LRRTM1: variants seen among roughly 807,000 people sequenced by gnomAD.
LRRTM1 encodes leucine rich repeat transmembrane neuronal 1, also known as leucine-rich repeat transmembrane neuronal protein 1.
A neutral mutation model predicts 37.3 loss-of-function variants in LRRTM1; 8 were observed. That is an observed-to-expected ratio of 0.21 (90% CI 0.13 to 0.39). The LOEUF (loss-of-function observed/expected upper bound fraction) is 0.39, where lower values mean the gene tolerates loss of function less well. Among genes scored for constraint, LRRTM1 ranks in the 10% least tolerant of loss-of-function variants. LRRTM1 has a pLI of 1.00. For missense variants in LRRTM1, 557 were observed against 691.0 expected (o/e 0.81, Z 2.17); for synonymous variants, 326 against 316.8 (o/e 1.03, Z -0.31).
At chr2:80,295,932 T>A (rs1314073434) in intron 2 of LRRTM1, among the ~76,000 whole-genome samples, 3 of 152,312 alleles carry the variant, frequency 2.0e-5, no homozygotes, top group African/African-American at 7.2e-5. Context: ...CCAGATGAAT[T>A]TCAGTTTGCA....
At chr2:80,296,109 A>G (rs1675717395) in intron 2 of LRRTM1, among the ~76,000 whole-genome samples, 5 of 152,094 alleles carry the variant, frequency 3.3e-5, no homozygotes, top group Admixed American at 3.3e-4. Flanking sequence ...TATGGGGTAC[A>G]TGAGATATTT....
intron 2 of LRRTM1, among the ~76,000 whole-genome samples, chr2:80,291,857 C>T (rs1675285726): frequency 6.6e-6 from 1 of 152,136 alleles, no homozygotes; most frequent in Non-Finnish European, 1.5e-5. Flanking sequence ...TCAGGTTCAC[C>T]AGGGCTGCCA....
chr2:80,302,705 C>T lies in LRRTM1; in HGVS notation c.1115G>A (p.Gly372Asp). Residue 372 changes from glycine (G) to aspartate (D), a missense_variant, in exon 2 of 2, where the codon GGC becomes GAC. By Grantham distance (94) the Gly-to-Asp change is moderately conservative. Around this residue, in one of 5 missense-constraint regions of LRRTM1, gnomAD observed 89 missense variants for 80.7 expected, o/e 1.10. Coordinates refer to ENST00000295057, the MANE Select transcript of LRRTM1 (RefSeq NM_178839.5). This position sits in a 1 kb window ranked among gnomAD's most constrained non-coding sequence, Gnocchi z 6.4. ...GTTGGTGACGGCCGAGAGCAGGTGG[C>T]CGCTGGTGGGCTCGGCCCCATCCTC... ...LCEDGAEPTS[G>D]HLLSAVTNRS... 2.5e-6 allele frequency: 4 copies of T among 1,612,766 alleles called. No homozygotes were observed. Among genetic ancestry groups the T allele is most frequent in the Non-Finnish European group, 3.4e-6 (4 of 1,179,800 alleles).
At chr2:80,288,580 A>C (rs1674972252) in exon 3 of LRRTM1, 1 of 152,158 alleles carries the variant, frequency 6.6e-6, no homozygotes, top group South Asian at 2.1e-4. Flanking sequence ...ACCCCACCAC[A>C]CATAAACCAG....
intron 2 of LRRTM1, among the ~76,000 whole-genome samples, chr2:80,295,433 C>T (rs1228539605): frequency 6.6e-6 from 1 of 152,150 alleles, no homozygotes; most frequent in African/African-American, 2.4e-5. Context: ...CTCTGAAGCC[C>T]CTGACTCTCA....
In LRRTM1 at chr2:80,303,950, C is replaced by T. The variant is rs550068717; in HGVS notation, c.-59-72G>A. ...AAAAGGGCAAAAAATCAAATAAATA[C>T]ATAGAAATAAAGAAGGACCCCCCTC... On this transcript the variant is annotated intron_variant, in intron 1 of 1. Coordinates refer to ENST00000295057, the MANE Select transcript of LRRTM1 (RefSeq NM_178839.5). The surrounding 1 kb of genome is among the most constrained non-coding windows in gnomAD (Gnocchi z 7.7). 2.1e-4 allele frequency: 232 copies of T among 1,129,642 alleles called. No individual in the cohort carries two copies. Among genetic ancestry groups the T allele is most frequent in the African/African-American group, 1.7e-3 (107 of 63,414 alleles). The allele number at this position is 1,129,642 out of a possible 1,614,324, so 70.0% of individuals were successfully genotyped here.
intron 2 of LRRTM1, among the ~76,000 whole-genome samples, chr2:80,292,936 T>A (rs1274463708): frequency 6.6e-6 from 1 of 152,098 alleles, no homozygotes; most frequent in Non-Finnish European, 1.5e-5. Flanking sequence ...ATTTTTGAAA[T>A]AATATGCAAA....
chr2:80,291,458 C>T (rs1675231644), intron 2 of LRRTM1, among the ~76,000 whole-genome samples: 1 of 152,228 alleles, frequency 6.6e-6, no homozygotes, highest in Non-Finnish European at 1.5e-5. Context: ...AGGACCTCCT[C>T]TGCCAGAAGA....
At chr2:80,294,477 C>T (rs1203294348) in intron 2 of LRRTM1, among the ~76,000 whole-genome samples, 1 of 121,372 alleles carries the variant, frequency 8.2e-6, no homozygotes, top group African/African-American at 2.6e-5. Flanking sequence ...GAGCCCTGAC[C>T]CCATGGAGCC....
At chr2:80,292,291 T>G (rs991714242) in intron 2 of LRRTM1, among the ~76,000 whole-genome samples, 1 of 152,118 alleles carries the variant, frequency 6.6e-6, no homozygotes, top group Non-Finnish European at 1.5e-5. Flanking sequence ...GTCCATTTTA[T>G]AGATGAAGGA....
chr2:80,289,721 C>T (rs1675073424), intron 2 of LRRTM1, among the ~76,000 whole-genome samples: 1 of 152,148 alleles, frequency 6.6e-6, no homozygotes. Context: ...CACCCAGGTT[C>T]ACAGAGTCAC....
At chr2:80,299,192 G>A (rs1676029264), downstream of LRRTM1, 2 of 152,010 alleles carry the variant, frequency 1.3e-5, no homozygotes, top group Non-Finnish European at 1.5e-5. Flanking sequence ...ATAAAAAAAA[G>A]GTGCTACACC....
rs548833446 is a variant in LRRTM1 at position 80,289,612 on chromosome 2, A to G, written c.*307-417T>C. Among the ~76,000 whole-genome samples the G allele has an allele frequency of 2.1e-4, 32 of 152,186 alleles. No individual in the cohort carries two copies. In the South Asian group the frequency reaches 2.9e-3, roughly 14 times the overall value. On this transcript the variant is annotated intron_variant and NMD_transcript_variant, in intron 2 of 2. Coordinates refer to the LRRTM1 transcript ENST00000417012. ...GACTAATGCTGATTGAGAATCTACT[A>G]TTGGCCAGCAATTTGGCCAACTCAA...
In LRRTM1 at chr2:80,304,613, G is replaced by C. The variant is rs1246121331; in HGVS notation, c.-521C>G. ...GAGAGCGGGCTCACTCATGCTTTGC[G>C]GGCGGCGGGCGGCGGGCGGCGGGCG... On this transcript the variant is annotated 5_prime_UTR_variant, in exon 1 of 2. Coordinates refer to ENST00000295057, the MANE Select transcript of LRRTM1 (RefSeq NM_178839.5). The C allele has an allele frequency of 6.6e-6, 1 of 152,444 alleles. No individual in the cohort carries two copies. The highest frequency in any genetic ancestry group is 2.4e-5 in the African/African-American group (1 of 41,256). The allele number at this position is 152,444 out of a possible 1,614,324, so 9.4% of individuals were successfully genotyped here.
At chr2:80,298,286 AGCCAACATC>A (rs1191331012), downstream of LRRTM1, 3 of 152,200 alleles carry the variant, frequency 2.0e-5, no homozygotes, top group Admixed American at 2.0e-4. Flanking sequence ...GACCCAAATC[AGCCAACATC>A]GCCACTCATC....
chr2:80,298,812 G>C (rs1675990401), downstream of LRRTM1: 3 of 152,186 alleles, frequency 2.0e-5, no homozygotes, highest in South Asian at 4.1e-4. Context: ...GTAGTCTTGG[G>C]AGTATAGGCT....
At chr2:80,300,840 T>G (rs560504098), downstream of LRRTM1, among the ~76,000 whole-genome samples, 2 of 151,968 alleles carry the variant, frequency 1.3e-5, no homozygotes, top group African/African-American at 4.8e-5. Context: ...ACCCACCAAC[T>G]GCCACTACCA....
rs149452279 is a variant in LRRTM1 at position 80,303,607 on chromosome 2, G to A, written c.213C>T (p.Ser71=). 8 of 1,614,174 alleles carry A rather than the reference G, an allele frequency of 5.0e-6. No homozygotes were observed. Among genetic ancestry groups the A allele is most frequent in the Non-Finnish European group, 5.9e-6 (7 of 1,180,030 alleles). Residue 71 remains serine (S), a synonymous_variant, in exon 2 of 2, where the codon TCC becomes TCT. Coordinates refer to ENST00000295057, the MANE Select transcript of LRRTM1 (RefSeq NM_178839.5). This position sits in a 1 kb window ranked among gnomAD's most constrained non-coding sequence, Gnocchi z 7.7. Reference sequence around the variant, plus strand: ...GCTCCGAGAGGCTGTTGTAGCGCAGGGACAAGCCCAGCAGGCCGGACAGGT... The same window carrying A: ...GCTCCGAGAGGCTGTTGTAGCGCAGAGACAAGCCCAGCAGGCCGGACAGGT... ...PHNLSGLLGL[S]LRYNSLSELR...
intron 2 of LRRTM1, among the ~76,000 whole-genome samples, chr2:80,290,391 C>T (rs1250026165): frequency 6.6e-6 from 1 of 152,048 alleles, no homozygotes; most frequent in Non-Finnish European, 1.5e-5. Flanking sequence ...CTTCTCATTT[C>T]TTCCCCAGTG....
Sources: allele counts gnomAD v4.1 joint callset (sites outside exome capture counted in the v4.1 genomes callset), GRCh38; gene constraint gnomAD v4.1.1; regional missense constraint gnomAD v4.1.1; non-coding constraint Gnocchi (gnomAD v3.1); transcripts MANE v1.5; gene names NCBI Gene and HGNC (gene_info 2026-07-23, HGNC 2026-07-21).